Variants in PKIG observed in about 807,000 individuals in gnomAD.
PKIG encodes protein kinase (cAMP-dependent, catalytic) inhibitor gamma.
In PKIG, 1 loss-of-function variant was observed where a neutral mutation model predicts 6.8. The observed-to-expected ratio is 0.15, with a 90% CI of 0.05 to 0.69. The LOEUF (loss-of-function observed/expected upper bound fraction) is 0.69. Among genes scored for constraint, PKIG ranks in the 30% least tolerant of loss-of-function variants. The pLI is 0.82. For missense variants in PKIG, 77 were observed against 104.0 expected (o/e 0.74, Z 1.13); for synonymous variants, 39 against 43.0 (o/e 0.91, Z 0.36).
At chr20:44,555,182 A>C (rs1432826364) in intron 1 of PKIG, among the ~76,000 whole-genome samples, 2 of 152,222 alleles carry the variant, frequency 1.3e-5, no homozygotes, top group African/African-American at 4.8e-5. Context: ...TATCGTCAGT[A>C]TTAGAAATTA....
intron 1 of PKIG, among the ~76,000 whole-genome samples, chr20:44,568,605 C>T (rs1025681830): frequency 5.9e-5 from 9 of 152,048 alleles, no homozygotes; most frequent in African/African-American, 1.9e-4. Flanking sequence ...CACCTGCCAC[C>T]GCGCCTGGCT....
At chr20:44,565,621 G>A (rs529239451) in intron 1 of PKIG, among the ~76,000 whole-genome samples, 137 of 152,222 alleles carry the variant, frequency 9.0e-4, no homozygotes, top group African/African-American at 3.2e-3. Flanking sequence ...TTTTCTTTAC[G>A]TTTTCTAGTG....
At chr20:44,578,008 C>T (rs938578822), upstream of PKIG, among the ~76,000 whole-genome samples, 2 of 151,912 alleles carry the variant, frequency 1.3e-5, no homozygotes, top group Middle Eastern at 3.2e-3. Flanking sequence ...AGTTCTTGTT[C>T]GGTTAGTTCA....
At position 44,614,607 on chromosome 20, in the gene PKIG, A is replaced by G; in HGVS notation, c.51A>G (p.Thr17=). The G allele has an allele frequency of 6.2e-7, 1 of 1,614,136 alleles. No individual in the cohort carries two copies. The highest frequency in any genetic ancestry group is 8.5e-7 in the Non-Finnish European group (1 of 1,180,006). ...SYSDFISCDR[T]GRRNAVPDIQ... is the part of the protein sequence containing the mutation. The stretch of plus-strand genomic sequence containing the variant: ...CGGACTTCATCTCCTGTGACCGGAC[A>G]GGCCGTCGGAATGCGGTCCCTGACA... The change falls in exon 3 of 4, where the codon ACA becomes ACG. Residue 17 remains threonine, a synonymous_variant. Coordinates refer to ENST00000372886, the MANE Select transcript of PKIG (RefSeq NM_001281445.2). This position sits in a 1 kb window ranked among gnomAD's most constrained non-coding sequence, Gnocchi z 4.6.
intron 2 of PKIG, among the ~76,000 whole-genome samples, chr20:44,606,781 C>T (rs538154056): frequency 1.1e-4 from 17 of 152,312 alleles, no homozygotes; most frequent in African/African-American, 3.9e-4. Flanking sequence ...TGCATTCCAG[C>T]ATGGGCGACA....
At chr20:44,579,155 C>T (rs2064925844), upstream of PKIG, among the ~76,000 whole-genome samples, 1 of 152,116 alleles carries the variant, frequency 6.6e-6, no homozygotes, top group Non-Finnish European at 1.5e-5. Context: ...CAGATCTTTT[C>T]CTTAAAAAGT....
At position 44,595,815 on chromosome 20, in the gene PKIG, CT is replaced by C. The variant is rs1340661360; in HGVS notation, c.-24+5950del. Among the ~76,000 whole-genome samples the C allele has an allele frequency of 2.6e-5, 4 of 152,128 alleles. No individual in the cohort carries two copies. In the East Asian group the frequency reaches 7.7e-4, roughly 29 times the overall value. ...GTGTGAACCACTGCGCCTGGTGCCCCTGGTGCTGTAAAAGTACAACTGTCCT... is the reference window on the plus strand; with the variant it reads ...GTGTGAACCACTGCGCCTGGTGCCCCGGTGCTGTAAAAGTACAACTGTCCT... On this transcript the variant is annotated intron_variant, in intron 2 of 3. Transcript: ENST00000372886.
chr20:44,588,876 T>C (rs1467098099), intron 1 of PKIG, among the ~76,000 whole-genome samples: 1 of 152,256 alleles, frequency 6.6e-6, no homozygotes, highest in Non-Finnish European at 1.5e-5. Context: ...TAGCTAGATA[T>C]AGAATTTTTT....
chr20:44,543,616 A>G (rs1471916936), intron 1 of PKIG, among the ~76,000 whole-genome samples: 3 of 152,166 alleles, frequency 2.0e-5, no homozygotes, highest in Non-Finnish European at 4.4e-5. Flanking sequence ...GGTTCACTTA[A>G]TCTACTGTCA....
At chr20:44,595,178 G>A (rs933266419) in intron 2 of PKIG, among the ~76,000 whole-genome samples, 1 of 152,218 alleles carries the variant, frequency 6.6e-6, no homozygotes, top group Non-Finnish European at 1.5e-5. Context: ...GGGGCTTATG[G>A]GTTAAGAGCC....
At chr20:44,574,968 C>T (rs1449105282) in intron 1 of PKIG, among the ~76,000 whole-genome samples, 1 of 152,202 alleles carries the variant, frequency 6.6e-6, no homozygotes, top group Non-Finnish European at 1.5e-5. Context: ...GCAGTGGTCT[C>T]CATTTAACTC....
intron 2 of PKIG, among the ~76,000 whole-genome samples, chr20:44,596,257 CATT>C (rs2065074307): frequency 1.3e-5 from 2 of 152,190 alleles, no homozygotes; most frequent in African/African-American, 4.8e-5. Flanking sequence ...TCGACTGAGT[CATT>C]ATTAGGAAGA....
chr20:44,535,367 A>G (rs1044412117), intron 1 of PKIG, among the ~76,000 whole-genome samples: 2 of 152,202 alleles, frequency 1.3e-5, no homozygotes, highest in East Asian at 1.9e-4. Flanking sequence ...TTGGCCTGGC[A>G]CGGTGGCTTA....
intron 1 of PKIG, among the ~76,000 whole-genome samples, chr20:44,588,354 G>A (rs57780483): frequency 1.3e-5 from 2 of 152,298 alleles, no homozygotes; most frequent in African/African-American, 2.4e-5. Context: ...TTCAAACTGA[G>A]AAGAGGGCTG....
chr20:44,552,377 T>G (rs761060588), intron 1 of PKIG, among the ~76,000 whole-genome samples: 2 of 152,226 alleles, frequency 1.3e-5, no homozygotes, highest in Non-Finnish European at 2.9e-5. Context: ...AACTTATGTG[T>G]GGCGGGCCTT....
intron 2 of PKIG, among the ~76,000 whole-genome samples, chr20:44,597,935 C>A (rs1056535524): frequency 2.6e-5 from 4 of 152,264 alleles, no homozygotes; most frequent in African/African-American, 9.6e-5. Context: ...TAATCCATCA[C>A]CCCTGTTACT....
At chr20:44,602,840 CAAAA>C (rs3091836) in intron 2 of PKIG, among the ~76,000 whole-genome samples, 2 of 76,892 alleles carry the variant, frequency 2.6e-5, no homozygotes, top group Admixed American at 1.4e-4. Context: ...GACTCCATCT[CAAAA>C]AAAAAAAAAA....
intron 2 of PKIG, among the ~76,000 whole-genome samples, chr20:44,601,000 C>T (rs763140075): frequency 2.6e-5 from 4 of 152,098 alleles, no homozygotes; most frequent in Non-Finnish European, 5.9e-5. Flanking sequence ...CGGGAGCAAA[C>T]AGAAGAGACT....
chr20:44,542,268 C>G (rs545672569), intron 1 of PKIG, among the ~76,000 whole-genome samples: 3 of 152,118 alleles, frequency 2.0e-5, no homozygotes, highest in Non-Finnish European at 2.9e-5. Flanking sequence ...TGTAAAATGT[C>G]TCATGAAGTC....
Sources: gnomAD v4.1 joint callset for allele counts (sites outside exome capture counted in the v4.1 genomes callset) on GRCh38, gnomAD v4.1.1 for gene constraint, Gnocchi (gnomAD v3.1) non-coding constraint, MANE v1.5 for transcripts, NCBI Gene and HGNC (gene_info 2026-07-23, HGNC 2026-07-21) for gene names.